The following AGBL4 variants were observed in gnomAD, a reference collection of about 807,000 sequenced individuals.
AGBL4 encodes the protein AGBL carboxypeptidase 4, also known as cytosolic carboxypeptidase 6.
In AGBL4, 58 loss-of-function variants were observed where a neutral mutation model predicts 66.4. That is an observed-to-expected ratio of 0.87 (90% CI 0.71 to 1.09). AGBL4 has a LOEUF of 1.09. AGBL4 is among the 50% of genes least tolerant of loss of function. The pLI, the probability that AGBL4 is intolerant of heterozygous loss-of-function variation, is 0.00. For missense variants in AGBL4, 579 were observed against 631.0 expected, an observed-to-expected ratio of 0.92 and a Z score of 0.88; for synonymous variants, 234 against 222.9, an observed-to-expected ratio of 1.05 and a Z score of -0.44.
chr1:49,931,415 T>C (rs899002852), intron 1 of AGBL4, among the ~76,000 whole-genome samples: 1 of 152,108 alleles, frequency 6.6e-6, no homozygotes, highest in Non-Finnish European at 1.5e-5. Flanking sequence ...TTGGGAGGCC[T>C]CAGGAAACTT....
chr1:48,725,868 T>C (rs1647238502), intron 6 of AGBL4, among the ~76,000 whole-genome samples: 1 of 152,218 alleles, frequency 6.6e-6, no homozygotes. Context: ...AATTGGCTCT[T>C]ACAAGCATGA....
intron 3 of AGBL4, among the ~76,000 whole-genome samples, chr1:49,653,049 T>G: frequency 6.6e-6 from 1 of 152,080 alleles, no homozygotes. Flanking sequence ...AGAAACCTCA[T>G]GCAGGAGCAT....
intron 6 of AGBL4, among the ~76,000 whole-genome samples, chr1:48,838,370 C>T (rs895405991): frequency 1.3e-5 from 2 of 151,946 alleles, no homozygotes; most frequent in African/African-American, 2.4e-5. Flanking sequence ...GAATAGAAAA[C>T]CCAGAAATAA....
intron 6 of AGBL4, among the ~76,000 whole-genome samples, chr1:48,708,385 C>G (rs927517074): frequency 1.3e-5 from 2 of 152,098 alleles, no homozygotes; most frequent in Non-Finnish European, 2.9e-5. Context: ...TGAGAGGAGC[C>G]GTTGGGGCTT....
intron 2 of AGBL4, among the ~76,000 whole-genome samples, chr1:49,723,629 C>T (rs1430739426): frequency 6.6e-6 from 1 of 152,150 alleles, no homozygotes; most frequent in Non-Finnish European, 1.5e-5. Flanking sequence ...CAGGGCCTTA[C>T]TCAAATTGCC....
At chr1:48,668,303 C>T (rs1418697614) in intron 6 of AGBL4, among the ~76,000 whole-genome samples, 1 of 152,182 alleles carries the variant, frequency 6.6e-6, no homozygotes, top group Non-Finnish European at 1.5e-5. Flanking sequence ...CCACCCTTTC[C>T]AGTGCACCCT....
At chr1:49,160,281 C>T (rs1247343266) in intron 4 of AGBL4, among the ~76,000 whole-genome samples, 1 of 152,132 alleles carries the variant, frequency 6.6e-6, no homozygotes. Flanking sequence ...TGATGCTATT[C>T]CTTTCTGTTT....
At chr1:48,929,120 G>T (rs1266265273) in intron 5 of AGBL4, among the ~76,000 whole-genome samples, 1 of 152,128 alleles carries the variant, frequency 6.6e-6, no homozygotes, top group Non-Finnish European at 1.5e-5. Flanking sequence ...CTCTGAGATG[G>T]TATAACTTGG....
intron 3 of AGBL4, among the ~76,000 whole-genome samples, chr1:49,542,223 G>T (rs1390855956): frequency 6.6e-6 from 1 of 152,158 alleles, no homozygotes; most frequent in African/African-American, 2.4e-5. Flanking sequence ...AAAGCAGGCT[G>T]CCCCAGCCAG....
At chr1:49,012,725 C>T (rs1047752430) in intron 5 of AGBL4, among the ~76,000 whole-genome samples, 3 of 152,166 alleles carry the variant, frequency 2.0e-5, no homozygotes, top group African/African-American at 7.2e-5. Context: ...CCAAAGCAAA[C>T]TCCTGAGTGA....
intron 2 of AGBL4, among the ~76,000 whole-genome samples, chr1:49,733,425 A>G (rs1649610871): frequency 6.6e-6 from 1 of 152,218 alleles, no homozygotes; most frequent in South Asian, 2.1e-4. Context: ...ATATCGTATA[A>G]GAAATTTGAC....
chr1:49,846,301 G>C, intron 2 of AGBL4: 1 of 1,517,142 alleles, frequency 6.6e-7, no homozygotes, highest in Non-Finnish European at 9.1e-7. Flanking sequence ...AGCACTGGAG[G>C]ATCCACACAG....
chr1:49,139,314 TC>T (rs1263377088), intron 4 of AGBL4, among the ~76,000 whole-genome samples: 1 of 152,136 alleles, frequency 6.6e-6, no homozygotes, highest in African/African-American at 2.4e-5. Flanking sequence ...GGTCATTATT[TC>T]CATTTTATAG....
At chr1:49,275,486 GGC>G (rs1644149981) in intron 3 of AGBL4, among the ~76,000 whole-genome samples, 1 of 152,070 alleles carries the variant, frequency 6.6e-6, no homozygotes, top group African/African-American at 2.4e-5. Context: ...GAGCCTATAT[GGC>G]CAATCACTAT....
At chr1:50,018,542 A>G (rs1454915199) in intron 1 of AGBL4, among the ~76,000 whole-genome samples, 1 of 152,172 alleles carries the variant, frequency 6.6e-6, no homozygotes, top group Non-Finnish European at 1.5e-5. Context: ...TGAAACTCAC[A>G]TAGAACTGTG....
chr1:48,756,949 G>C (rs1643967205), intron 6 of AGBL4, among the ~76,000 whole-genome samples: 1 of 152,190 alleles, frequency 6.6e-6, no homozygotes, highest in Non-Finnish European at 1.5e-5. Context: ...CTGTGGGATG[G>C]GAGAGCCTAG....
At chr1:49,521,246 GA>G (rs1282862886) in intron 3 of AGBL4, among the ~76,000 whole-genome samples, 1 of 151,944 alleles carries the variant, frequency 6.6e-6, no homozygotes, top group Non-Finnish European at 1.5e-5. Context: ...ATTTTTCACA[GA>G]ATTAAAAAGA....
intron 4 of AGBL4, among the ~76,000 whole-genome samples, chr1:49,078,859 A>G (rs1644758639): frequency 6.6e-6 from 1 of 152,196 alleles, no homozygotes; most frequent in Non-Finnish European, 1.5e-5. Flanking sequence ...CATAAGTCAG[A>G]TTCCCATCAC....
At chr1:49,326,981 G>A (rs558408565) in intron 3 of AGBL4, among the ~76,000 whole-genome samples, 25 of 152,240 alleles carry the variant, frequency 1.6e-4, no homozygotes, top group African/African-American at 5.8e-4. Flanking sequence ...GTCTACCTGC[G>A]TTTCTGGCTT....
Sources: allele counts gnomAD v4.1 joint callset (sites outside exome capture counted in the v4.1 genomes callset), GRCh38; gene constraint gnomAD v4.1.1; transcripts MANE v1.5; gene names NCBI Gene and HGNC (gene_info 2026-07-23, HGNC 2026-07-21).